Variants in NRXN1 observed in about 807,000 individuals in gnomAD.
NRXN1 encodes the protein neurexin-1.
In NRXN1, 39 loss-of-function variants were observed where a neutral mutation model predicts 150.9. That is an observed-to-expected ratio of 0.26 (90% CI 0.20 to 0.34). The LOEUF (loss-of-function observed/expected upper bound fraction) is 0.34, where lower values mean the gene tolerates loss of function less well. Among genes scored for constraint, NRXN1 ranks in the 10% least tolerant of loss-of-function variants. The pLI, the probability that NRXN1 is intolerant of heterozygous loss-of-function variation, is 1.00. For missense variants in NRXN1, 1,815 were observed against 1,949.9 expected, an observed-to-expected ratio of 0.93 and a Z score of 1.30; for synonymous variants, 924 against 757.0, an observed-to-expected ratio of 1.22 and a Z score of -3.62.
chr2:50,538,680 A>C (rs1012458856), intron 9 of NRXN1, 44 bp from the exon 10 acceptor site: 4 of 1,391,624 alleles, frequency 2.9e-6, no homozygotes, highest in Non-Finnish European at 3.8e-6. Flanking sequence ...AAAAAGCACC[A>C]ACGTGTTATA....
intron 5 of NRXN1, among the ~76,000 whole-genome samples, chr2:50,836,980 G>A (rs1672208926): frequency 6.6e-6 from 1 of 151,802 alleles, no homozygotes. Context: ...AGTATCCTGA[G>A]CATATGGTCA....
intron 5 of NRXN1, among the ~76,000 whole-genome samples, chr2:50,881,223 A>G (rs955563627): frequency 7.9e-5 from 12 of 151,928 alleles, no homozygotes; most frequent in African/African-American, 2.9e-4. Context: ...ATCTCATCTT[A>G]AATATTTCCT....
chr2:49,996,332 C>A (rs1682997201), intron 21 of NRXN1, among the ~76,000 whole-genome samples: 1 of 152,082 alleles, frequency 6.6e-6, no homozygotes, highest in South Asian at 2.1e-4. Context: ...ATGGGATAAG[C>A]AAGGACATTA....
At chr2:50,853,012 G>T (rs187509632) in intron 5 of NRXN1, among the ~76,000 whole-genome samples, 137 of 152,192 alleles carry the variant, frequency 9.0e-4, no homozygotes, top group Middle Eastern at 3.4e-3. Flanking sequence ...ATCTAACTTG[G>T]CATGTTCTTA....
At chr2:50,938,593 T>C (rs984689765) in intron 2 of NRXN1, among the ~76,000 whole-genome samples, 1 of 152,160 alleles carries the variant, frequency 6.6e-6, no homozygotes, top group Non-Finnish European at 1.5e-5. Flanking sequence ...TCTGTATTAG[T>C]CTGTTTCACA....
intron 2 of NRXN1, among the ~76,000 whole-genome samples, chr2:51,000,674 A>G (rs1472681320): frequency 2.0e-5 from 3 of 151,950 alleles, no homozygotes; most frequent in African/African-American, 4.8e-5. Context: ...AATAACAGAG[A>G]CAGATGTTTT....
chr2:50,844,002 C>G (rs1673247797), intron 5 of NRXN1, among the ~76,000 whole-genome samples: 1 of 152,140 alleles, frequency 6.6e-6, no homozygotes. Flanking sequence ...GACCTTGCCA[C>G]AGCCTGGTCT....
chr2:50,040,649 A>G (rs1690795116), intron 21 of NRXN1, among the ~76,000 whole-genome samples: 1 of 152,096 alleles, frequency 6.6e-6, no homozygotes, highest in Non-Finnish European at 1.5e-5. Flanking sequence ...CTTCTAAACT[A>G]TATTGATTTG....
intron 13 of NRXN1, among the ~76,000 whole-genome samples, chr2:50,506,034 T>G (rs1276937537): frequency 2.6e-5 from 4 of 152,064 alleles, no homozygotes; most frequent in African/African-American, 9.7e-5. Context: ...CCAAAAATAA[T>G]CTATTATAGC....
At chr2:50,050,479 AG>A (rs1230112735) in intron 21 of NRXN1, among the ~76,000 whole-genome samples, 1 of 152,072 alleles carries the variant, frequency 6.6e-6, no homozygotes, top group Non-Finnish European at 1.5e-5. Context: ...TTGAGAAAAC[AG>A]TCCAGTGTGG....
At chr2:50,954,799 C>T (rs1240169085) in intron 2 of NRXN1, among the ~76,000 whole-genome samples, 1 of 152,140 alleles carries the variant, frequency 6.6e-6, no homozygotes, top group Non-Finnish European at 1.5e-5. Context: ...TCACAGACGT[C>T]CTTATTACTA....
intron 17 of NRXN1, among the ~76,000 whole-genome samples, chr2:50,249,279 C>G (rs2066815593): frequency 6.6e-6 from 1 of 151,828 alleles, no homozygotes; most frequent in Non-Finnish European, 1.5e-5. Context: ...CAAAAAAATC[C>G]TATGAGAGAT....
intron 17 of NRXN1, among the ~76,000 whole-genome samples, chr2:50,399,778 G>A (rs1269389285): frequency 1.1e-4 from 9 of 80,792 alleles, no homozygotes; most frequent in Non-Finnish European, 2.0e-4. Flanking sequence ...GCTCTGTAAC[G>A]AGAGAACTGG....
chr2:50,205,112 CA>C (rs2062469420), intron 18 of NRXN1, among the ~76,000 whole-genome samples: 1 of 151,974 alleles, frequency 6.6e-6, no homozygotes, highest in African/African-American at 2.4e-5. Context: ...GAGTCACACA[CA>C]AATAAGTGAC....
chr2:50,644,399 T>C (rs1158434908), intron 5 of NRXN1, among the ~76,000 whole-genome samples: 1 of 151,940 alleles, frequency 6.6e-6, no homozygotes, highest in East Asian at 1.9e-4. Flanking sequence ...TTTCAAATTA[T>C]ATTTATGACA....
chr2:50,823,826 T>C (rs1225929562), intron 5 of NRXN1, among the ~76,000 whole-genome samples: 4 of 152,134 alleles, frequency 2.6e-5, no homozygotes, highest in African/African-American at 9.7e-5. Flanking sequence ...GATTTATGAG[T>C]GTGATCAAAC....
chr2:50,756,694 G>C (rs547415219), intron 5 of NRXN1, among the ~76,000 whole-genome samples: 1 of 151,880 alleles, frequency 6.6e-6, no homozygotes, highest in African/African-American at 2.4e-5. Flanking sequence ...ATAGGTGGTT[G>C]ATTTACAAAG....
At chr2:50,285,940 A>G (rs1271222329) in intron 17 of NRXN1, among the ~76,000 whole-genome samples, 1 of 152,126 alleles carries the variant, frequency 6.6e-6, no homozygotes, top group Non-Finnish European at 1.5e-5. Context: ...GTTATAGAGA[A>G]TAATAGAAAA....
At chr2:49,922,320 T>A in intron 22 of NRXN1, 69 bp from the exon 23 acceptor site, 1 of 1,391,678 alleles carries the variant, frequency 7.2e-7, no homozygotes, top group Non-Finnish European at 1.0e-6. Flanking sequence ...AGAGCTATAT[T>A]AACATTTATT....
Sources: allele counts gnomAD v4.1 joint callset (sites outside exome capture counted in the v4.1 genomes callset), GRCh38; gene constraint gnomAD v4.1.1; transcripts MANE v1.5; gene names NCBI Gene and HGNC (gene_info 2026-07-23, HGNC 2026-07-21).